The following KIF21A variants were observed in gnomAD, a reference collection of about 807,000 sequenced individuals.
KIF21A encodes kinesin family member 21A.
A neutral mutation model predicts 202.9 loss-of-function variants in KIF21A; 114 were observed. That is an observed-to-expected ratio of 0.56 (90% CI 0.48 to 0.66). KIF21A has a LOEUF of 0.66. Ranked by LOEUF, KIF21A falls within the 30% of genes least tolerant of loss-of-function variation. The pLI is 0.00. For synonymous variants in KIF21A, 667 were observed against 670.8 expected, an observed-to-expected ratio of 0.99 and a Z score of 0.09; for missense variants, 1,677 against 1,994.9, an observed-to-expected ratio of 0.84 and a Z score of 3.04.
At chr12:39,363,610 G>C (rs1023903413) in intron 6 of KIF21A, among the ~76,000 whole-genome samples, 1 of 152,044 alleles carries the variant, frequency 6.6e-6, no homozygotes, top group African/African-American at 2.4e-5. Flanking sequence ...GCAAATTTTC[G>C]TTTTGCAATA....
At chr12:39,350,794 A>C (rs1386767918) in intron 11 of KIF21A, among the ~76,000 whole-genome samples, 1 of 152,030 alleles carries the variant, frequency 6.6e-6, no homozygotes, top group Non-Finnish European at 1.5e-5. Context: ...GAATTGGAAG[A>C]ATTTAAACTT....
At chr12:39,346,815 CT>C (rs955568626) in intron 11 of KIF21A, among the ~76,000 whole-genome samples, 1 of 151,312 alleles carries the variant, frequency 6.6e-6, no homozygotes, top group African/African-American at 2.4e-5. Flanking sequence ...GCTTGGATGC[CT>C]TTTTTTTAGT....
Position 39,367,054 on chromosome 12 carries a change from G to A in KIF21A, c.711C>T (p.Thr237=), listed in dbSNP as rs749963979. The change falls in exon 5 of 38, where the codon ACC becomes ACT. Residue 237 remains threonine (T), a synonymous_variant. Coordinates refer to ENST00000361418, the MANE Select transcript of KIF21A (RefSeq NM_001173464.2). ...HAIFTIHVCQ[T]RVCPQIDADN... is the part of the protein sequence containing the mutation. ...CAGCATCTATTTGGGGACACACTCT[G>A]GTTTGACACACATGAATGGTAAAAA... is the stretch of plus-strand genomic sequence containing the variant. 1.7e-5 allele frequency: 28 copies of A among 1,613,502 alleles called. No individual in the cohort carries two copies. Among genetic ancestry groups the A allele is most frequent in the Non-Finnish European group, 2.3e-5 (27 of 1,179,580 alleles).
chr12:39,332,827 T>C, intron 19 of KIF21A, 66 bp downstream of exon 19: 1 of 1,605,108 alleles, frequency 6.2e-7, no homozygotes, highest in South Asian at 1.1e-5. Context: ...CATTTTTTCA[T>C]TTAAGTACAA....
chr12:39,341,168 A>AT, intron 14 of KIF21A, 74 bp from the exon 15 acceptor site: 1 of 1,178,324 alleles, frequency 8.5e-7, no homozygotes, highest in Non-Finnish European at 1.2e-6. Flanking sequence ...CAAGCAGACC[A>AT]TAAAAACCAT....
intron 16 of KIF21A, among the ~76,000 whole-genome samples, chr12:39,339,013 T>A (rs1281626082): frequency 6.6e-6 from 1 of 152,178 alleles, no homozygotes; most frequent in African/African-American, 2.4e-5. Context: ...GCACAGTGGC[T>A]CATGCCTTTA....
At chr12:39,390,434 C>T (rs567016183) in intron 1 of KIF21A, among the ~76,000 whole-genome samples, 8 of 152,102 alleles carry the variant, frequency 5.3e-5, no homozygotes, top group African/African-American at 1.9e-4. Context: ...AACAGGATTA[C>T]TGGATGTTAG....
intron 1 of KIF21A, among the ~76,000 whole-genome samples, chr12:39,393,378 G>A (rs1452019898): frequency 6.6e-6 from 1 of 152,110 alleles, no homozygotes; most frequent in Non-Finnish European, 1.5e-5. Flanking sequence ...ACCAATAGAA[G>A]GCAAGAGATA....
Position 39,394,718 on chromosome 12 carries a change from T to C in KIF21A, c.45-24457A>G, listed in dbSNP as rs148676394. Among the ~76,000 whole-genome samples the C allele has an allele frequency of 7.1e-3, 1,077 of 152,306 alleles. 9 individuals carry two copies. Among genetic ancestry groups the C allele is most frequent in the Non-Finnish European group, 0.011 (752 of 68,026 alleles). Reference sequence around the variant, plus strand: ...CTTTTTGTCAGGTGATTATGTAATATTGGCATGGCAATTTCAGGTGTCATT... The same window carrying C: ...CTTTTTGTCAGGTGATTATGTAATACTGGCATGGCAATTTCAGGTGTCATT... On this transcript the variant is annotated intron_variant, in intron 1 of 37. Transcript: ENST00000361418.
intron 1 of KIF21A, among the ~76,000 whole-genome samples, chr12:39,437,970 A>T (rs1238715228): frequency 1.3e-5 from 2 of 152,196 alleles, no homozygotes; most frequent in Non-Finnish European, 2.9e-5. Context: ...AACTTAAAAG[A>T]TCCTTATTAC....
In KIF21A at chr12:39,307,497, CTAA is replaced by C. The variant is rs912894675; in HGVS notation, c.4442+65_4442+67del. On this transcript the variant is annotated intron_variant, in intron 34 of 37. Transcript: ENST00000361418. Reference sequence around the variant, plus strand: ...TCATAAAAATTGGATTTCACATGCACTAATGTTATTAATGTCTGAAGTTGTATT... The same window carrying C: ...TCATAAAAATTGGATTTCACATGCACTGTTATTAATGTCTGAAGTTGTATT... 2.1e-5 allele frequency: 31 copies of C among 1,474,496 alleles called. No individual in the cohort carries two copies. In the Admixed American group the frequency reaches 2.5e-4, roughly 12 times the overall value. 91.3% of individuals were successfully genotyped at this position (1,474,496 alleles called of 1,614,324 possible). A position where few individuals can be genotyped will look rare whatever the true frequency, so the allele number is the denominator to read the frequency against.
chr12:39,397,444 T>C (rs1183852218), intron 1 of KIF21A, among the ~76,000 whole-genome samples: 3 of 151,654 alleles, frequency 2.0e-5, no homozygotes, highest in South Asian at 2.1e-4. Context: ...CCACCCCCCA[T>C]AGAGCTGATT....
chr12:39,358,715 T>A (rs1394761545), intron 7 of KIF21A, among the ~76,000 whole-genome samples: 1 of 151,110 alleles, frequency 6.6e-6, no homozygotes, highest in Non-Finnish European at 1.5e-5. Flanking sequence ...ACTTCTTTCA[T>A]TATTTATTCT....
At chr12:39,322,960 G>A in intron 26 of KIF21A, 78 bp from the exon 27 acceptor site, 3 of 1,124,876 alleles carry the variant, frequency 2.7e-6, no homozygotes, top group Non-Finnish European at 3.9e-6. Flanking sequence ...AGATTTATAT[G>A]AGTTTGAAAT....
intron 1 of KIF21A, among the ~76,000 whole-genome samples, chr12:39,434,994 C>CAA (rs1437560481): frequency 3.9e-5 from 6 of 152,146 alleles, no homozygotes; most frequent in African/African-American, 1.4e-4. Context: ...GCCTACGTGA[C>CAA]AGACACAACT....
chr12:39,367,284 C>T, intron 4 of KIF21A, 120 bp from the exon 5 acceptor site: 1 of 1,058,320 alleles, frequency 9.4e-7, no homozygotes, highest in Non-Finnish European at 1.4e-6. Flanking sequence ...TGTGGAATTT[C>T]ACATTATTAG....
intron 1 of KIF21A, among the ~76,000 whole-genome samples, chr12:39,411,815 G>T (rs1953106683): frequency 1.3e-5 from 2 of 152,082 alleles, no homozygotes; most frequent in Admixed American, 6.6e-5. Flanking sequence ...GGGATTATAG[G>T]TATGAGCCAC....
At chr12:39,330,115 A>T (rs1946379296) in intron 24 of KIF21A, 127 bp downstream of exon 24, 5 of 829,624 alleles carry the variant, frequency 6.0e-6, no homozygotes, top group Non-Finnish European at 1.0e-5. Flanking sequence ...ACATTTCAAA[A>T]AAGATCATGC....
In KIF21A at chr12:39,411,994, C is replaced by A. The variant is rs146086491; in HGVS notation, c.44+30933G>T. On this transcript the variant is annotated intron_variant, in intron 1 of 37. Transcript: ENST00000361418. ...GGACTACAGGTGCACGCCACTGCAC[C>A]CAGCTAATTTTTGTAATTTTTTTTT... Among the ~76,000 whole-genome samples the A allele has an allele frequency of 5.3e-5, 8 of 152,112 alleles. No individual in the cohort carries two copies. The East Asian group carries it at 1.4e-3, about 26-fold the overall frequency.
Sources: allele counts gnomAD v4.1 joint callset (sites outside exome capture counted in the v4.1 genomes callset), GRCh38; gene constraint gnomAD v4.1.1; transcripts MANE v1.5; gene names NCBI Gene and HGNC (gene_info 2026-07-23, HGNC 2026-07-21).